The following PKP2 variants were observed in gnomAD, a reference collection of about 807,000 sequenced individuals.
PKP2 encodes plakophilin 2.
In PKP2, 73 loss-of-function variants were observed where a neutral mutation model predicts 83.4. That is an observed-to-expected ratio of 0.88 (90% CI 0.72 to 1.06). The LOEUF is 1.06. Among genes scored for constraint, PKP2 ranks in the 50% least tolerant of loss-of-function variants. The pLI, the probability that PKP2 is intolerant of heterozygous loss-of-function variation, is 0.00. For missense variants in PKP2, 966 were observed against 1,065.4 expected, an observed-to-expected ratio of 0.91 and a Z score of 1.30; for synonymous variants, 409 against 430.4, an observed-to-expected ratio of 0.95 and a Z score of 0.62.
chr12:32,799,649 T>C (rs1310562938), intron 10 of PKP2, among the ~76,000 whole-genome samples: 1 of 152,206 alleles, frequency 6.6e-6, no homozygotes, highest in East Asian at 1.9e-4. Flanking sequence ...TGGATGGAAT[T>C]AGAGACCACT....
intron 6 of PKP2, among the ~76,000 whole-genome samples, chr12:32,839,204 C>T (rs959291499): frequency 6.6e-6 from 1 of 151,820 alleles, no homozygotes; most frequent in African/African-American, 2.4e-5. Flanking sequence ...GTTCTTCCAC[C>T]CCTTTTCTTA....
At chr12:32,795,371 C>T (rs1050152031) in intron 11 of PKP2, among the ~76,000 whole-genome samples, 9 of 150,990 alleles carry the variant, frequency 6.0e-5, no homozygotes, top group African/African-American at 2.2e-4. Context: ...ATCACTGCTG[C>T]TGCTGCTTTT....
rs968437402 is a variant in PKP2, at chr12:32,811,870, C to T, written c.2014-9314G>A. Among the ~76,000 whole-genome samples the T allele has an allele frequency of 3.9e-5, 6 of 152,258 alleles. No homozygotes were observed. In the East Asian group the frequency reaches 7.7e-4, roughly 20 times the overall value. On this transcript the variant is annotated intron_variant, in intron 9 of 12. Transcript: ENST00000340811. ...TATCAGTTACCCTGAGGGGTATCTG[C>T]AGGCCATTTTGTCATTTTCAACAAT...
chr12:32,839,813 A>C (rs1956573922), intron 6 of PKP2, among the ~76,000 whole-genome samples: 1 of 152,216 alleles, frequency 6.6e-6, no homozygotes, highest in Admixed American at 6.5e-5. Context: ...AGTGCACTAG[A>C]AAAGCAGATT....
chr12:32,860,801 G>A (rs1254352046), intron 4 of PKP2, among the ~76,000 whole-genome samples: 1 of 152,082 alleles, frequency 6.6e-6, no homozygotes, highest in African/African-American at 2.4e-5. Context: ...AGGCCAAGGT[G>A]GACAGATCAC....
At chr12:32,869,768 C>T (rs1412959863) in intron 3 of PKP2, among the ~76,000 whole-genome samples, 1 of 151,946 alleles carries the variant, frequency 6.6e-6, no homozygotes, top group Non-Finnish European at 1.5e-5. Context: ...ATCTGTAATC[C>T]CAGCACTTTG....
intron 1 of PKP2, among the ~76,000 whole-genome samples, chr12:32,879,800 C>T (rs1956968969): frequency 7.1e-6 from 1 of 139,886 alleles, no homozygotes; most frequent in Non-Finnish European, 1.5e-5. Flanking sequence ...CATTGCACTA[C>T]AGCCTGAGCA....
chr12:32,862,582 T>A (rs1360864010), intron 4 of PKP2, among the ~76,000 whole-genome samples: 3 of 151,448 alleles, frequency 2.0e-5, no homozygotes, highest in Admixed American at 6.6e-5. Flanking sequence ...GAGGTGGAGG[T>A]TGCAGTGAGC....
At chr12:32,884,835 T>A (rs1957016930) in intron 1 of PKP2, among the ~76,000 whole-genome samples, 1 of 151,920 alleles carries the variant, frequency 6.6e-6, no homozygotes. Flanking sequence ...GGACTTTTTC[T>A]GGTGACTTCT....
At chr12:32,833,124 T>C (rs1306792607) in intron 6 of PKP2, among the ~76,000 whole-genome samples, 1 of 152,156 alleles carries the variant, frequency 6.6e-6, no homozygotes, top group Non-Finnish European at 1.5e-5. Context: ...GCACCTGTAG[T>C]CCCAGCTACT....
intron 9 of PKP2, among the ~76,000 whole-genome samples, chr12:32,802,824 A>G (rs1343345960): frequency 2.6e-5 from 4 of 151,514 alleles, no homozygotes; most frequent in African/African-American, 9.7e-5. Flanking sequence ...ACGCCCAGCT[A>G]ATTTTTTGGA....
chr12:32,853,594 C>A (rs1056627715), intron 4 of PKP2, among the ~76,000 whole-genome samples: 1 of 151,532 alleles, frequency 6.6e-6, no homozygotes, highest in African/African-American at 2.4e-5. Context: ...GCAATCTCCG[C>A]CCCCTGGGTT....
chr12:32,844,081 T>G (rs1457678530), intron 5 of PKP2, among the ~76,000 whole-genome samples: 16 of 152,240 alleles, frequency 1.1e-4, no homozygotes, highest in Non-Finnish European at 2.9e-5. Flanking sequence ...GGAATTTTCC[T>G]TCAACAGTCA....
At chr12:32,806,104 T>C (rs1956223404) in intron 9 of PKP2, among the ~76,000 whole-genome samples, 1 of 152,234 alleles carries the variant, frequency 6.6e-6, no homozygotes, top group Non-Finnish European at 1.5e-5. Flanking sequence ...TGCTGCTAGA[T>C]TCAGTCTGCC....
At chr12:32,876,440 C>G (rs1956932783) in intron 3 of PKP2, among the ~76,000 whole-genome samples, 1 of 152,104 alleles carries the variant, frequency 6.6e-6, no homozygotes. Context: ...ATCACAAATC[C>G]TAGGCTATGG....
intron 3 of PKP2, among the ~76,000 whole-genome samples, chr12:32,875,340 G>C (rs912669585): frequency 6.6e-6 from 1 of 152,126 alleles, no homozygotes; most frequent in African/African-American, 2.4e-5. Context: ...TGTGGAGTGG[G>C]GGAAAAGAAG....
chr12:32,832,439 A>G (rs552846815), intron 6 of PKP2, among the ~76,000 whole-genome samples: 1 of 152,208 alleles, frequency 6.6e-6, no homozygotes, highest in Non-Finnish European at 1.5e-5. Flanking sequence ...ACTTGTTTGT[A>G]TATCTAAAGT....
chr12:32,853,081 C>A (rs894905799), intron 4 of PKP2, among the ~76,000 whole-genome samples: 1 of 151,876 alleles, frequency 6.6e-6, no homozygotes, highest in Non-Finnish European at 1.5e-5. Context: ...GAGACTCCAT[C>A]TCAAAAAAAA....
At position 32,793,986 on chromosome 12, in the gene PKP2, C is replaced by T. The variant is rs887779783; in HGVS notation, c.2358-1255G>A. On this transcript the variant is annotated intron_variant, in intron 11 of 12. Coordinates refer to ENST00000340811, the MANE Select transcript of PKP2 (RefSeq NM_001005242.3). ...TCTTTCTCTTCTATCACCTGATTAG[C>T]ACATGGCTGATTTTTTTTCTTAAAC... 3.9e-5 allele frequency among the ~76,000 whole-genome samples: 6 copies of T among 152,310 alleles called. No individual in the cohort carries two copies. In the South Asian group the frequency reaches 1.2e-3, roughly 32 times the overall value.
Sources: allele counts gnomAD v4.1 joint callset (sites outside exome capture counted in the v4.1 genomes callset), GRCh38; gene constraint gnomAD v4.1.1; transcripts MANE v1.5; gene names NCBI Gene and HGNC (gene_info 2026-07-23, HGNC 2026-07-21).